Variants in PCDH15 observed in about 807,000 individuals in gnomAD.
PCDH15 encodes the protein protocadherin-15.
A neutral mutation model predicts 178.5 loss-of-function variants in PCDH15; 129 were observed. That is an observed-to-expected ratio of 0.72 (90% CI 0.63 to 0.84). The LOEUF is 0.84. Among genes scored for constraint, PCDH15 ranks in the 40% least tolerant of loss-of-function variants. The pLI is 0.00. For missense variants in PCDH15, 2,230 were observed against 2,099.9 expected (o/e 1.06, Z -1.21); for synonymous variants, 800 against 732.0 (o/e 1.09, Z -1.50).
Position 53,818,002 on chromosome 10 carries a change from C to T in PCDH15, c.4445G>A (p.Gly1482Glu), listed in dbSNP as rs984721824. Residue 1482 changes from glycine to glutamate, a missense_variant, in exon 34 of 38, where the codon GGA becomes GAA. Gly to Glu is a moderately conservative substitution (Grantham distance 98). Coordinates refer to ENST00000644397, the MANE Select transcript of PCDH15 (RefSeq NM_001384140.1). Reference sequence around the variant, plus strand: ...ACACCATAAAGCCCTTACCTCTGATCCATAACCTCTCCTGCAAGGCAGAAA... The same window carrying T: ...ACACCATAAAGCCCTTACCTCTGATTCATAACCTCTCCTGCAAGGCAGAAA... ...IWRTLTRRGY[G>E]SEQQQLLRPS... The T allele has an allele frequency of 2.5e-5, 10 of 398,544 alleles. No individual in the cohort carries two copies. Among genetic ancestry groups the T allele is most frequent in the African/African-American group, 1.2e-4 (6 of 48,612 alleles). 24.7% of individuals were successfully genotyped at this position (398,544 alleles called of 1,614,324 possible). A position where few individuals can be genotyped will look rare whatever the true frequency, so the allele number is the denominator to read the frequency against.
intron 1 of PCDH15, among the ~76,000 whole-genome samples, chr10:55,285,449 T>C (rs1299110150): frequency 6.6e-6 from 1 of 151,754 alleles, no homozygotes; most frequent in Non-Finnish European, 1.5e-5. Context: ...ATTGTGAATA[T>C]ATTTTCCATT....
At chr10:54,010,908 C>T (rs575009298) in intron 20 of PCDH15, among the ~76,000 whole-genome samples, 3 of 152,280 alleles carry the variant, frequency 2.0e-5, no homozygotes, top group South Asian at 2.1e-4. Context: ...GGGGCTCCTA[C>T]AGTCAACTAA....
At chr10:54,179,030 A>G (rs959086197) in intron 13 of PCDH15, among the ~76,000 whole-genome samples, 1 of 152,166 alleles carries the variant, frequency 6.6e-6, no homozygotes, top group Non-Finnish European at 1.5e-5. Flanking sequence ...GGGATCTAGA[A>G]CTAGAAATAC....
At chr10:53,970,270 T>C (rs1167811477) in intron 21 of PCDH15, among the ~76,000 whole-genome samples, 1 of 152,018 alleles carries the variant, frequency 6.6e-6, no homozygotes, top group Non-Finnish European at 1.5e-5. Context: ...AGAAGGCCAT[T>C]ACATAATGGT....
Position 55,198,475 on chromosome 10 carries a change from A to C in PCDH15, c.-155-31824T>G, listed in dbSNP as rs558416917. Among the ~76,000 whole-genome samples, 119 of 152,162 alleles carry C rather than the reference A, an allele frequency of 7.8e-4. 1 individual carries two copies. Among genetic ancestry groups the C allele is most frequent in the African/African-American group, 2.8e-3 (115 of 41,464 alleles). ...GGTGTTTAAAAGCTGCTTTTAAAAA[A>C]TAAGTTATTTATTTATTTTATTATT... On this transcript the variant is annotated intron_variant, in intron 1 of 5. Coordinates refer to the PCDH15 transcript ENST00000458638.
At chr10:55,260,237 C>T (rs1370548437) in intron 1 of PCDH15, among the ~76,000 whole-genome samples, 1 of 151,572 alleles carries the variant, frequency 6.6e-6, no homozygotes, top group African/African-American at 2.4e-5. Flanking sequence ...AGTGAGGAGT[C>T]ATTTTCACCA....
intron 2 of PCDH15, among the ~76,000 whole-genome samples, chr10:55,477,609 C>T (rs578050934): frequency 6.6e-6 from 1 of 151,858 alleles, no homozygotes; most frequent in Non-Finnish European, 1.5e-5. Flanking sequence ...GTGCTTGGCA[C>T]AAACACTTGT....
intron 1 of PCDH15, among the ~76,000 whole-genome samples, chr10:54,705,662 T>C (rs1235069284): frequency 6.6e-6 from 1 of 152,212 alleles, no homozygotes; most frequent in Non-Finnish European, 1.5e-5. Flanking sequence ...GAGACCATTT[T>C]CTTCTAGAAC....
At chr10:54,650,636 A>T (rs1010031969) in intron 2 of PCDH15, among the ~76,000 whole-genome samples, 1 of 152,138 alleles carries the variant, frequency 6.6e-6, no homozygotes, top group Non-Finnish European at 1.5e-5. Flanking sequence ...ATGAGGAAAG[A>T]AGTTTAATGG....
At chr10:55,269,851 G>T (rs984345735) in intron 1 of PCDH15, among the ~76,000 whole-genome samples, 2 of 152,108 alleles carry the variant, frequency 1.3e-5, no homozygotes, top group African/African-American at 2.4e-5. Flanking sequence ...GAACAAAGCT[G>T]CAGACATCAC....
intron 1 of PCDH15, among the ~76,000 whole-genome samples, chr10:55,248,384 C>T (rs1298093319): frequency 6.6e-6 from 1 of 151,878 alleles, no homozygotes; most frequent in East Asian, 1.9e-4. Flanking sequence ...GAAATATATC[C>T]TTAATTCAAC....
At chr10:54,093,581 G>C (rs554634277) in intron 15 of PCDH15, among the ~76,000 whole-genome samples, 36 of 152,156 alleles carry the variant, frequency 2.4e-4, no homozygotes, top group Admixed American at 7.9e-4. Flanking sequence ...GTGTATATGT[G>C]CCCTAAACAT....
At chr10:53,859,539 G>T (rs74965826) in intron 27 of PCDH15, among the ~76,000 whole-genome samples, 1 of 151,956 alleles carries the variant, frequency 6.6e-6, no homozygotes, top group Non-Finnish European at 1.5e-5. Flanking sequence ...TTACAGATCC[G>T]TACTATTAGT....
intron 1 of PCDH15, among the ~76,000 whole-genome samples, chr10:54,747,806 ATTT>A (rs10628733): frequency 5.2e-5 from 7 of 135,560 alleles, no homozygotes; most frequent in African/African-American, 8.4e-5. Flanking sequence ...CAATGGTTAC[ATTT>A]TTTTTTTTTT....
chr10:54,655,283 AG>A (rs2094363377), intron 2 of PCDH15, among the ~76,000 whole-genome samples: 1 of 127,296 alleles, frequency 7.9e-6, no homozygotes, highest in African/African-American at 2.9e-5. Context: ...AGAGAGAGAG[AG>A]AGAGAGAGAG....
chr10:54,635,609 A>C (rs1164324500), intron 2 of PCDH15, among the ~76,000 whole-genome samples: 1 of 151,986 alleles, frequency 6.6e-6, no homozygotes, highest in East Asian at 1.9e-4. Context: ...ATTTAATGAA[A>C]ATTGTATTAG....
At chr10:54,659,753 C>CA (rs35761213) in intron 2 of PCDH15, among the ~76,000 whole-genome samples, 58,029 of 111,226 alleles carry the variant, frequency 0.52, 12,075 homozygotes, top group African/African-American at 0.56. Context: ...GACCCTGTCT[C>CA]AAAAAAAAAA....
At chr10:55,159,753 T>C (rs1442604706) in intron 2 of PCDH15, among the ~76,000 whole-genome samples, 1 of 147,924 alleles carries the variant, frequency 6.8e-6, no homozygotes, top group Non-Finnish European at 1.5e-5. Flanking sequence ...TAAAGAGATA[T>C]ATAAAGATAT....
chr10:54,271,327 C>T (rs2058035044), intron 8 of PCDH15, among the ~76,000 whole-genome samples: 1 of 152,082 alleles, frequency 6.6e-6, no homozygotes, highest in Admixed American at 6.6e-5. Flanking sequence ...TCTCCTGCTC[C>T]AGCCTCCTGA....
Sources: allele counts gnomAD v4.1 joint callset (sites outside exome capture counted in the v4.1 genomes callset), GRCh38; gene constraint gnomAD v4.1.1; transcripts MANE v1.5; gene names NCBI Gene and HGNC (gene_info 2026-07-23, HGNC 2026-07-21).